Variants in ZFPM2 observed in about 807,000 individuals in gnomAD.
The protein encoded by ZFPM2 is zinc finger protein ZFPM2.
Under a neutral mutation model 98.6 loss-of-function variants are expected in ZFPM2, and 20 were observed. The ratio of observed to expected loss-of-function variants is 0.20; its 90% CI spans 0.14 to 0.29. The LOEUF (loss-of-function observed/expected upper bound fraction) is 0.29. ZFPM2 is among the 10% of genes least tolerant of loss of function. The pLI is 1.00. For missense variants in ZFPM2, 1,310 were observed against 1,388.6 expected (o/e 0.94, Z 0.90); for synonymous variants, 518 against 502.7 (o/e 1.03, Z -0.41).
intron 5 of ZFPM2, among the ~76,000 whole-genome samples, chr8:105,637,876 T>C (rs1816878177): frequency 6.6e-6 from 1 of 152,150 alleles, no homozygotes; most frequent in South Asian, 2.1e-4. Context: ...ATTTTCGTAA[T>C]GCCTATATTA....
At chr8:105,712,767 T>A (rs1291660423) in intron 5 of ZFPM2, among the ~76,000 whole-genome samples, 1 of 152,068 alleles carries the variant, frequency 6.6e-6, no homozygotes, top group African/African-American at 2.4e-5. Flanking sequence ...TCCAAGTGTA[T>A]TCAGGGTTTA....
At chr8:105,451,873 T>C (rs1349447685) in intron 3 of ZFPM2, 2 of 152,168 alleles carry the variant, frequency 1.3e-5, no homozygotes, top group East Asian at 3.8e-4. Context: ...TACTATAATT[T>C]TTAATTTATT....
intron 5 of ZFPM2, among the ~76,000 whole-genome samples, chr8:105,741,354 T>C (rs1812211469): frequency 6.6e-6 from 1 of 152,060 alleles, no homozygotes. Flanking sequence ...TTTCAATGAG[T>C]TTTGCTTTTA....
At chr8:105,706,872 G>A (rs553546760) in intron 5 of ZFPM2, among the ~76,000 whole-genome samples, 17 of 152,202 alleles carry the variant, frequency 1.1e-4, no homozygotes, top group South Asian at 4.2e-4. Flanking sequence ...GAACCACCAC[G>A]CCCTGCCCCT....
intron 5 of ZFPM2, among the ~76,000 whole-genome samples, chr8:105,648,909 G>A (rs1310740583): frequency 6.6e-6 from 1 of 152,238 alleles, no homozygotes; most frequent in Non-Finnish European, 1.5e-5. Flanking sequence ...TCCCAATTCT[G>A]TGAAGACAGT....
At chr8:105,641,352 C>T (rs566844144) in intron 5 of ZFPM2, among the ~76,000 whole-genome samples, 1 of 152,034 alleles carries the variant, frequency 6.6e-6, no homozygotes, top group African/African-American at 2.4e-5. Context: ...TGCCGAAAAC[C>T]CATGTTTCAT....
chr8:105,432,612 A>G (rs1812042736), intron 2 of ZFPM2, among the ~76,000 whole-genome samples: 1 of 152,216 alleles, frequency 6.6e-6, no homozygotes, highest in Admixed American at 6.5e-5. Flanking sequence ...AGTACAGAAT[A>G]TCCTCATTTA....
chr8:105,542,341 T>C (rs1246057026), intron 3 of ZFPM2, among the ~76,000 whole-genome samples: 1 of 152,186 alleles, frequency 6.6e-6, no homozygotes, highest in Non-Finnish European at 1.5e-5. Context: ...GCTTCAGTTG[T>C]TGATTGTTTT....
intron 1 of ZFPM2, among the ~76,000 whole-genome samples, chr8:105,380,645 T>TTA (rs1192936685): frequency 1.6e-4 from 4 of 25,696 alleles, no homozygotes; most frequent in South Asian, 1.0e-3. Context: ...TATATATATA[T>TTA]TATATATATA....
chr8:105,583,732 T>A (rs1320421227), intron 4 of ZFPM2, among the ~76,000 whole-genome samples: 6 of 151,902 alleles, frequency 3.9e-5, no homozygotes, highest in Middle Eastern at 6.8e-3. Flanking sequence ...TCCCAGAGAG[T>A]TGAAGAATAA....
At chr8:105,555,215 G>A (rs997840507) in intron 3 of ZFPM2, among the ~76,000 whole-genome samples, 18 of 152,078 alleles carry the variant, frequency 1.2e-4, no homozygotes, top group Admixed American at 8.5e-4. Flanking sequence ...TGATTAGTCC[G>A]TCCTATATGC....
At position 105,705,356 on chromosome 8, in the gene ZFPM2, C is replaced by T. The variant is rs1353366690; in HGVS notation, c.532+70999C>T. Among the ~76,000 whole-genome samples the T allele has an allele frequency of 1.2e-4, 18 of 152,206 alleles. No individual in the cohort carries two copies. In the East Asian group the frequency reaches 2.5e-3, roughly 21 times the overall value. On this transcript the variant is annotated intron_variant, in intron 5 of 7. Transcript: ENST00000407775. ...AACTACAATAAATACCAATATATAA[C>T]GTGTCATTCATATTTTCATTACAGG...
intron 5 of ZFPM2, among the ~76,000 whole-genome samples, chr8:105,736,647 A>G (rs1474511617): frequency 1.3e-5 from 2 of 152,056 alleles, no homozygotes; most frequent in Non-Finnish European, 2.9e-5. Flanking sequence ...AGAAATTAAT[A>G]AACACTTGAG....
intron 5 of ZFPM2, among the ~76,000 whole-genome samples, chr8:105,752,801 T>C (rs1268364559): frequency 6.6e-6 from 1 of 152,094 alleles, no homozygotes; most frequent in Non-Finnish European, 1.5e-5. Flanking sequence ...TACTTGAAAA[T>C]AGAAAACCTT....
intron 5 of ZFPM2, among the ~76,000 whole-genome samples, chr8:105,743,085 G>T (rs1317610694): frequency 1.3e-5 from 2 of 152,062 alleles, no homozygotes; most frequent in African/African-American, 4.8e-5. Context: ...GTAGGGGAAA[G>T]AAAATACTCC....
intron 1 of ZFPM2, among the ~76,000 whole-genome samples, chr8:105,414,683 T>C (rs918532050): frequency 7.2e-5 from 11 of 151,984 alleles, no homozygotes; most frequent in African/African-American, 2.7e-4. Flanking sequence ...AGGGTTTTCT[T>C]TAGCCCCCTG....
intron 1 of ZFPM2, among the ~76,000 whole-genome samples, chr8:105,377,238 ATGT>A (rs1301601318): frequency 6.6e-6 from 1 of 152,174 alleles, no homozygotes; most frequent in African/African-American, 2.4e-5. Flanking sequence ...CTGTTGCCCG[ATGT>A]TGGTAATCTT....
At chr8:105,749,672 A>T (rs1181828729) in intron 5 of ZFPM2, among the ~76,000 whole-genome samples, 3 of 151,774 alleles carry the variant, frequency 2.0e-5, no homozygotes, top group African/African-American at 4.8e-5. Context: ...GTTTTTTTTT[A>T]AATGGAAGAG....
intron 2 of ZFPM2, among the ~76,000 whole-genome samples, chr8:105,429,362 AT>A (rs1308883525): frequency 1.3e-5 from 2 of 151,618 alleles, no homozygotes; most frequent in Admixed American, 6.6e-5. Flanking sequence ...TACATAAAGA[AT>A]TTTCTCATTT....
Sources: gnomAD v4.1 joint callset for allele counts (sites outside exome capture counted in the v4.1 genomes callset) on GRCh38, gnomAD v4.1.1 for gene constraint, MANE v1.5 for transcripts, NCBI Gene and HGNC (gene_info 2026-07-23, HGNC 2026-07-21) for gene names.